NIPSNAP2: variants seen among roughly 807,000 people sequenced by gnomAD.
NIPSNAP2 encodes the protein protein NipSnap homolog 2.
Under a neutral mutation model 48.4 loss-of-function variants are expected in NIPSNAP2, and 42 were observed. That is an observed-to-expected ratio of 0.87 (90% CI 0.68 to 1.12). The LOEUF is 1.12. NIPSNAP2 is among the 50% of genes most tolerant of loss of function. The pLI, the probability that NIPSNAP2 is intolerant of heterozygous loss-of-function variation, is 0.00. For synonymous variants in NIPSNAP2, 158 were observed against 126.6 expected, an observed-to-expected ratio of 1.25 and a Z score of -1.67; for missense variants, 314 against 347.3, an observed-to-expected ratio of 0.90 and a Z score of 0.76.
intron 1 of NIPSNAP2, among the ~76,000 whole-genome samples, chr7:55,976,663 A>G (rs1371397437): frequency 6.6e-6 from 1 of 152,198 alleles, no homozygotes. Context: ...AAGTGGGAGC[A>G]TTGCTTGAGG....
chr7:55,982,188 T>G, intron 4 of NIPSNAP2, 22 bp from the exon 5 acceptor site: 1 of 1,511,584 alleles, frequency 6.6e-7, no homozygotes, highest in Non-Finnish European at 9.2e-7. Flanking sequence ...AAACGTATAC[T>G]GTCTTTTAAA....
At chr7:55,981,423 G>C (rs1787213694) in intron 3 of NIPSNAP2, 50 bp from the exon 4 acceptor site, 1 of 1,387,298 alleles carries the variant, frequency 7.2e-7, no homozygotes, top group Non-Finnish European at 1.0e-6. Flanking sequence ...TGTCCACCTG[G>C]TCAAATTTTG....
chr7:55,975,717 G>C (rs1562762917), intron 1 of NIPSNAP2, among the ~76,000 whole-genome samples: 1 of 152,156 alleles, frequency 6.6e-6, no homozygotes, highest in Non-Finnish European at 1.5e-5. Context: ...GGGAAACGCT[G>C]TTTGTCATTT....
intron 7 of NIPSNAP2, among the ~76,000 whole-genome samples, chr7:55,990,231 C>CT (rs568097360): frequency 0.12 from 16,316 of 136,470 alleles, 1,110 homozygotes; most frequent in Non-Finnish European, 0.15. Flanking sequence ...TGTTTCTTTT[C>CT]TTTTTTTTTT....
At position 55,995,503 on chromosome 7, in the gene NIPSNAP2, C is replaced by A. The variant is rs531606484; in HGVS notation, c.712+515C>A. ...CAGGCCTGCCCCAGATGTCACCCTT[C>A]CCCAGTAGTGAACATCATCACTCCT... On this transcript the variant is annotated intron_variant, in intron 8 of 9. Transcript: ENST00000322090. Among the ~76,000 whole-genome samples, 199 of 152,328 alleles carry A rather than the reference C, an allele frequency of 1.3e-3. 6 individuals carry two copies. The South Asian group carries it at 0.04, about 31-fold the overall frequency.
intron 7 of NIPSNAP2, among the ~76,000 whole-genome samples, chr7:55,991,309 G>T (rs1787439162): frequency 6.6e-6 from 1 of 152,028 alleles, no homozygotes; most frequent in Admixed American, 6.6e-5. Flanking sequence ...TACAATTTTT[G>T]TTCTTTTGTT....
chr7:55,984,764 A>G (rs559014068), intron 6 of NIPSNAP2, 83 bp from the exon 7 acceptor site: 1 of 1,106,850 alleles, frequency 9.0e-7, no homozygotes, highest in Non-Finnish European at 1.3e-6. Flanking sequence ...TTGTCACTTA[A>G]TGTTTTTTCT....
At chr7:55,969,342 C>T (rs953341397) in intron 1 of NIPSNAP2, among the ~76,000 whole-genome samples, 3 of 151,376 alleles carry the variant, frequency 2.0e-5, no homozygotes, top group Middle Eastern at 3.4e-3. Flanking sequence ...TTCTCTCCCC[C>T]GGGTCTGTGC....
At position 55,984,359 on chromosome 7, in the gene NIPSNAP2, T is replaced by G. The variant is rs191299864; in HGVS notation, c.586-488T>G. The stretch of plus-strand genomic sequence containing the variant: ...TGGGAGGCCAAGGTTGGAGGATTGC[T>G]TGAGCCAGGAAGCTTGAGACCAGCC... On this transcript the variant is annotated intron_variant, in intron 6 of 9. Coordinates refer to ENST00000322090, the MANE Select transcript of NIPSNAP2 (RefSeq NM_001483.3). Among the ~76,000 whole-genome samples the G allele has an allele frequency of 4.1e-3, 628 of 152,280 alleles. 6 individuals are homozygous for G. Among genetic ancestry groups the G allele is most frequent in the African/African-American group, 0.014 (587 of 41,556 alleles).
At chr7:55,998,491 C>CTTTTTTTTTTTT (rs1406658343) in intron 9 of NIPSNAP2, among the ~76,000 whole-genome samples, 2 of 79,940 alleles carry the variant, frequency 2.5e-5, no homozygotes, top group African/African-American at 7.9e-5. Flanking sequence ...CAGGTAGGAT[C>CTTTTTTTTTTTT]TGTTTTTTTT....
chr7:55,988,425 C>A (rs1787374835), intron 7 of NIPSNAP2, among the ~76,000 whole-genome samples: 1 of 152,080 alleles, frequency 6.6e-6, no homozygotes, highest in Admixed American at 6.6e-5. Flanking sequence ...ATACCAGTTC[C>A]TGCACACTGG....
intron 9 of NIPSNAP2, among the ~76,000 whole-genome samples, chr7:55,998,503 T>TTG (rs199799300): frequency 0.021 from 2,728 of 130,674 alleles, 142 homozygotes; most frequent in African/African-American, 0.07. Flanking sequence ...GTTTTTTTTT[T>TTG]TTTTTTTTTT....
At chr7:55,981,424 T>C (rs2304375) in intron 3 of NIPSNAP2, 49 bp from the exon 4 acceptor site, 78,796 of 1,417,156 alleles carry the variant, frequency 0.056, 2,411 homozygotes, top group Admixed American at 0.084. Context: ...GTCCACCTGG[T>C]CAAATTTTGC....
chr7:55,971,521 T>C (rs1787015276), intron 1 of NIPSNAP2, among the ~76,000 whole-genome samples: 1 of 152,110 alleles, frequency 6.6e-6, no homozygotes, highest in South Asian at 2.1e-4. Context: ...TGGAGTACAG[T>C]GCATGATCAT....
intron 4 of NIPSNAP2, chr7:55,981,819 T>C: frequency 2.4e-6 from 1 of 412,052 alleles, no homozygotes; most frequent in South Asian, 3.2e-5. Flanking sequence ...GTTTTTTTGT[T>C]TTTTGAGACA....
chr7:55,967,010 TG>T (rs1786908959), intron 1 of NIPSNAP2, among the ~76,000 whole-genome samples: 1 of 152,210 alleles, frequency 6.6e-6, no homozygotes, highest in Admixed American at 6.5e-5. Flanking sequence ...CAGGATTTGC[TG>T]AATCAGTTTC....
In NIPSNAP2 at chr7:55,990,452, C is replaced by T. The variant is rs554067734; in HGVS notation, c.618-4442C>T. ...TTCACTGTGTTAGCCAGGATGGCCT[C>T]GATCTCCTGACCTCATGATCCGCCT... On this transcript the variant is annotated intron_variant, in intron 7 of 9. Coordinates refer to ENST00000322090, the MANE Select transcript of NIPSNAP2 (RefSeq NM_001483.3). Among the ~76,000 whole-genome samples, 75 of 152,170 alleles carry T rather than the reference C, an allele frequency of 4.9e-4. No individual in the cohort carries two copies. The South Asian group carries it at 0.015, about 31-fold the overall frequency.
Position 55,978,402 on chromosome 7 carries a change from A to G in NIPSNAP2, c.278+7A>G, listed in dbSNP as rs1787146515. 1 of 1,606,356 alleles carries G rather than the reference A, an allele frequency of 6.2e-7. No individual in the cohort carries two copies. Among genetic ancestry groups the G allele is most frequent in the Non-Finnish European group, 8.5e-7 (1 of 1,176,284 alleles). On this transcript the variant is annotated splice_region_variant and intron_variant, in intron 3 of 9. Transcript: ENST00000322090. ...AAGCATACAACAAAATTTGGTGTGT[A>G]TACCAAACTATCCTTTACTTGGGGA...
At chr7:55,997,307 A>G (rs1221451059) in intron 8 of NIPSNAP2, 59 bp from the exon 9 acceptor site, 5 of 1,198,808 alleles carry the variant, frequency 4.2e-6, no homozygotes, top group Admixed American at 3.4e-5. Flanking sequence ...TAACGGATGT[A>G]TGGGTGGAAT....
Sources: gnomAD v4.1 joint callset for allele counts (sites outside exome capture counted in the v4.1 genomes callset) on GRCh38, gnomAD v4.1.1 for gene constraint, MANE v1.5 for transcripts, NCBI Gene and HGNC (gene_info 2026-07-23, HGNC 2026-07-21) for gene names.